The following TMCC2 variants were observed in gnomAD, a reference collection of about 807,000 sequenced individuals.
TMCC2 encodes transmembrane and coiled-coil domains protein 2.
A neutral mutation model predicts 49.4 loss-of-function variants in TMCC2; 16 were observed. The observed-to-expected ratio is 0.32, with a 90% CI of 0.22 to 0.49. The LOEUF (loss-of-function observed/expected upper bound fraction) is 0.49. Ranked by LOEUF, TMCC2 falls within the 20% of genes least tolerant of loss-of-function variation. The probability of loss-of-function intolerance (pLI) is 0.99; values close to 1 mark genes in which losing one functional copy is unlikely to be tolerated. For synonymous variants in TMCC2, 397 were observed against 434.1 expected (o/e 0.91, Z 1.06); for missense variants, 762 against 989.8 (o/e 0.77, Z 3.09).
At chr1:205,236,319 G>A (rs183192188) in intron 1 of TMCC2, among the ~76,000 whole-genome samples, 300 of 152,318 alleles carry the variant, frequency 2.0e-3, no homozygotes, top group African/African-American at 6.7e-3. Context: ...TGAGAAGAGG[G>A]TTTAAACTGC....
At chr1:205,248,527 A>G (rs1013649911) in intron 2 of TMCC2, among the ~76,000 whole-genome samples, 1 of 152,196 alleles carries the variant, frequency 6.6e-6, no homozygotes, top group Admixed American at 6.5e-5. Flanking sequence ...GTTGTCATCA[A>G]TTGTGGGTGC....
chr1:205,244,181 A>G (rs1298115033), intron 2 of TMCC2, among the ~76,000 whole-genome samples: 1 of 152,096 alleles, frequency 6.6e-6, no homozygotes, highest in Non-Finnish European at 1.5e-5. Context: ...GAAGGAGGGT[A>G]TCAGGTGGAG....
intron 2 of TMCC2, among the ~76,000 whole-genome samples, chr1:205,252,323 T>C (rs1660699271): frequency 6.6e-6 from 1 of 152,224 alleles, no homozygotes; most frequent in African/African-American, 2.4e-5. Context: ...ATGTGGGTGC[T>C]GCCCTGCAGC....
rs768405452 is a variant in TMCC2, at chr1:205,269,057, C to A, written c.855C>A (p.Thr285=). The A allele has an allele frequency of 1.2e-6, 2 of 1,613,664 alleles. No homozygotes were observed. The highest frequency in any genetic ancestry group is 1.7e-6 in the Non-Finnish European group (2 of 1,180,018). Residue 285 remains threonine, a synonymous_variant, in exon 3 of 5, where the codon ACC becomes ACA. Coordinates refer to ENST00000358024, the MANE Select transcript of TMCC2 (RefSeq NM_014858.4). ...ATGGGGCACCGGACCCCCAGCGGAC[C>A]AAGGCCGCCATTGACCACCTGCACC... ...VPDGAPDPQR[T]KAAIDHLHQK...
chr1:205,236,441 G>A (rs986991569), intron 1 of TMCC2: 2 of 152,244 alleles, frequency 1.3e-5, no homozygotes, highest in Non-Finnish European at 2.9e-5. Flanking sequence ...AATCACCTTT[G>A]TAAGATGGAT....
At chr1:205,249,873 G>T (rs1325869316) in intron 2 of TMCC2, among the ~76,000 whole-genome samples, 1 of 152,244 alleles carries the variant, frequency 6.6e-6, no homozygotes, top group African/African-American at 2.4e-5. Flanking sequence ...CCAGGCCAGG[G>T]CAGGGCAGCT....
rs1293009264 is a variant in TMCC2 at position 205,228,782 on chromosome 1, A to C, written c.207+11A>C. The C allele has an allele frequency of 3.2e-6, 5 of 1,585,466 alleles. No homozygotes were observed. The highest frequency in any genetic ancestry group is 4.3e-6 in the Non-Finnish European group (5 of 1,166,476). On this transcript the variant is annotated intron_variant, in intron 1 of 4. Transcript: ENST00000358024. ...CCTCCTGATTTAAAGGTGAGCGCAG[A>C]CCATCCCCCCGGCAAGCCCAGCCCG...
chr1:205,230,822 TTTTC>T (rs536823756), intron 1 of TMCC2, among the ~76,000 whole-genome samples: 17 of 146,204 alleles, frequency 1.2e-4, no homozygotes, highest in South Asian at 2.1e-4. Context: ...ATTATCTTTT[TTTTC>T]TTTCTTTCTT....
chr1:205,244,921 A>G (rs1467495967), intron 2 of TMCC2, among the ~76,000 whole-genome samples: 5 of 152,138 alleles, frequency 3.3e-5, no homozygotes, highest in African/African-American at 4.8e-5. Context: ...GGAGTTTACA[A>G]TTTGGGGGGT....
chr1:205,238,488 A>G (rs775692794), intron 1 of TMCC2, among the ~76,000 whole-genome samples: 1 of 152,094 alleles, frequency 6.6e-6, no homozygotes, highest in Non-Finnish European at 1.5e-5. Context: ...GCTGGGACAA[A>G]GGTCCTGGGG....
intron 1 of TMCC2, chr1:205,229,126 T>A: frequency 8.8e-7 from 1 of 1,134,236 alleles, no homozygotes; most frequent in Non-Finnish European, 1.1e-6. Context: ...TTTTCCTTGC[T>A]GAGTAAGTCT....
intron 2 of TMCC2, chr1:205,257,364 C>G: frequency 1.6e-6 from 2 of 1,232,272 alleles, no homozygotes; most frequent in Non-Finnish European, 2.0e-6. Flanking sequence ...AGTGCCCACA[C>G]AGGTGAGGCG....
At position 205,272,469 on chromosome 1, in the gene TMCC2, G is replaced by A; in HGVS notation, c.*345G>A. On this transcript the variant is annotated 3_prime_UTR_variant, in exon 5 of 5. Coordinates refer to ENST00000358024, the MANE Select transcript of TMCC2 (RefSeq NM_014858.4). ...AAGTCAGGAAGACCATTAAGAATAG[G>A]AGGAGAGGGCTCTGCCTCAACTTTC... The A allele has an allele frequency of 3.4e-6, 1 of 293,634 alleles. No homozygotes were observed. Among genetic ancestry groups the A allele is most frequent in the Non-Finnish European group, 6.4e-6 (1 of 156,656 alleles). The allele number at this position is 293,634 out of a possible 1,614,324, so 18.2% of individuals were successfully genotyped here.
At chr1:205,233,675 G>A (rs1030811327) in intron 1 of TMCC2, 3 of 151,854 alleles carry the variant, frequency 2.0e-5, no homozygotes, top group Non-Finnish European at 4.4e-5. Context: ...TTATAAAAGT[G>A]CCTGAAAACA....
At chr1:205,242,413 T>C (rs375539676) in intron 2 of TMCC2, among the ~76,000 whole-genome samples, 1 of 152,248 alleles carries the variant, frequency 6.6e-6, no homozygotes, top group South Asian at 2.1e-4. Context: ...TTTGTGCTTG[T>C]TTCACCAATT....
rs1450085724 is a variant in TMCC2, at chr1:205,241,960, C to T, written c.663C>T (p.Ser221=). The T allele has an allele frequency of 6.2e-7, 1 of 1,611,620 alleles. No individual in the cohort carries two copies. The highest frequency in any genetic ancestry group is 8.5e-7 in the Non-Finnish European group (1 of 1,179,924). ...LHQHQCRPRS[S]STTDTALLLA... is the part of the protein sequence containing the mutation. ...AGCACCAGTGCCGTCCCCGCTCTTC[C>T]TCCACCACCGACACTGCTCTGCTGC... Residue 221 remains serine, a synonymous_variant, in exon 2 of 5, where the codon TCC becomes TCT. Transcript: ENST00000358024. The surrounding 1 kb of genome is among the most constrained non-coding windows in gnomAD (Gnocchi z 7.3).
At chr1:205,245,120 T>G (rs1574841637) in intron 2 of TMCC2, among the ~76,000 whole-genome samples, 1 of 150,616 alleles carries the variant, frequency 6.6e-6, no homozygotes, top group Non-Finnish European at 1.5e-5. Flanking sequence ...GACTGGAGGG[T>G]GGGGGAGAAG....
intron 2 of TMCC2, among the ~76,000 whole-genome samples, chr1:205,248,905 A>G (rs1429505313): frequency 1.3e-5 from 2 of 152,064 alleles, no homozygotes; most frequent in Non-Finnish European, 2.9e-5. Flanking sequence ...GGAGTGCTGG[A>G]TTTACAGCCA....
rs1028100818 is a variant in TMCC2, at chr1:205,271,710, G to C, written c.1819-103G>C. On this transcript the variant is annotated intron_variant, in intron 4 of 4. Coordinates refer to ENST00000358024, the MANE Select transcript of TMCC2 (RefSeq NM_014858.4). Reference sequence around the variant, plus strand: ...CTCCACTCCTCCTGGCCTTTGGAGAGGAGACTTCGTTATAGGCACCTTCTC... The same window carrying C: ...CTCCACTCCTCCTGGCCTTTGGAGACGAGACTTCGTTATAGGCACCTTCTC... 65 of 1,453,314 alleles carry C rather than the reference G, an allele frequency of 4.5e-5. 1 individual carries two copies. In the South Asian group the frequency reaches 8.1e-4, roughly 18 times the overall value. 90.0% of individuals were successfully genotyped at this position (1,453,314 alleles called of 1,614,324 possible).
Sources: allele counts gnomAD v4.1 joint callset (sites outside exome capture counted in the v4.1 genomes callset), GRCh38; gene constraint gnomAD v4.1.1; non-coding constraint Gnocchi (gnomAD v3.1); transcripts MANE v1.5; gene names NCBI Gene and HGNC (gene_info 2026-07-23, HGNC 2026-07-21).